SNX25: variants seen among roughly 807,000 people sequenced by gnomAD.
The protein encoded by SNX25 is sorting nexin-25.
Under a neutral mutation model 113.7 loss-of-function variants are expected in SNX25, and 62 were observed. That is an observed-to-expected ratio of 0.55 (90% CI 0.44 to 0.67). The LOEUF (loss-of-function observed/expected upper bound fraction) is 0.67. SNX25 is among the 30% of genes least tolerant of loss of function. The pLI is 0.00. For missense variants in SNX25, 1,014 were observed against 1,161.0 expected, an observed-to-expected ratio of 0.87 and a Z score of 1.84; for synonymous variants, 421 against 436.2, an observed-to-expected ratio of 0.97 and a Z score of 0.43.
intron 16 of SNX25, among the ~76,000 whole-genome samples, chr4:185,358,976 G>A (rs1312899481): frequency 6.6e-6 from 1 of 152,110 alleles, no homozygotes; most frequent in East Asian, 1.9e-4. Context: ...AAGAACATTT[G>A]CTATTTTTTT....
At chr4:185,275,733 T>A (rs1216548520) in intron 5 of SNX25, among the ~76,000 whole-genome samples, 2 of 152,122 alleles carry the variant, frequency 1.3e-5, no homozygotes, top group Non-Finnish European at 2.9e-5. Context: ...AAATAAGAAA[T>A]CAAGTGTACC....
the SNX25 span, chr4:185,375,747 T>C: frequency 2.7e-6 from 4 of 1,481,044 alleles, no homozygotes; most frequent in Non-Finnish European, 3.7e-6. Flanking sequence ...CCAGAAGATA[T>C]TTAATTATTT....
intron 5 of SNX25, among the ~76,000 whole-genome samples, chr4:185,276,502 T>C (rs759370834): frequency 1.3e-5 from 2 of 152,162 alleles, no homozygotes; most frequent in African/African-American, 2.4e-5. Flanking sequence ...TCACTTACAT[T>C]ACTAATAGAT....
chr4:185,349,794 G>A (rs556532012), intron 13 of SNX25, among the ~76,000 whole-genome samples: 1 of 152,242 alleles, frequency 6.6e-6, no homozygotes, highest in South Asian at 2.1e-4. Flanking sequence ...TATAATTTAA[G>A]GCCAAAGATT....
At chr4:185,219,653 C>G (rs927393237) in intron 1 of SNX25, among the ~76,000 whole-genome samples, 1 of 152,216 alleles carries the variant, frequency 6.6e-6, no homozygotes, top group South Asian at 2.1e-4. Context: ...AAGGCAGCAT[C>G]TTCTTTTTTC....
At chr4:185,244,519 AT>A (rs906114067) in intron 1 of SNX25, among the ~76,000 whole-genome samples, 4 of 151,586 alleles carry the variant, frequency 2.6e-5, no homozygotes, top group East Asian at 3.9e-4. Context: ...CATTTCCTCA[AT>A]TTTTTTTTCT....
intron 1 of SNX25, among the ~76,000 whole-genome samples, chr4:185,211,522 TG>T (rs937458393): frequency 2.0e-4 from 30 of 152,238 alleles, no homozygotes; most frequent in African/African-American, 6.5e-4. Flanking sequence ...GTTTGTTTGT[TG>T]ATCAATAAAA....
intron 6 of SNX25, among the ~76,000 whole-genome samples, chr4:185,300,541 A>C (rs756659123): frequency 2.6e-5 from 4 of 151,822 alleles, no homozygotes; most frequent in Non-Finnish European, 5.9e-5. Flanking sequence ...CTGCCTGAAA[A>C]AAGAGAGCTA....
In SNX25 at chr4:185,362,024, C is replaced by T. The variant is rs765032786; in HGVS notation, c.2752C>T (p.Pro918Ser). ...DAFWPNGKLAPPTTIRSKEQS... is the reference protein window; with the variant it reads ...DAFWPNGKLASPTTIRSKEQS... Reference sequence around the variant, plus strand: ...TTTTTGGCCAAATGGGAAGTTGGCACCACCGACCACAATCAGAAGCAAAGA... The same window carrying T: ...TTTTTGGCCAAATGGGAAGTTGGCATCACCGACCACAATCAGAAGCAAAGA... The change falls in exon 17 of 19, where the codon CCA (proline) becomes TCA (serine). Residue 918 changes from proline (P) to serine (S), a missense_variant. Transcript: ENST00000652585. 3.1e-6 allele frequency: 5 copies of T among 1,613,820 alleles called. No individual in the cohort carries two copies. The highest frequency in any genetic ancestry group is 4.2e-6 in the Non-Finnish European group (5 of 1,179,956).
intron 6 of SNX25, among the ~76,000 whole-genome samples, chr4:185,304,518 C>T (rs1288563): frequency 0.027 from 4,063 of 152,196 alleles, 162 homozygotes; most frequent in African/African-American, 0.088. Flanking sequence ...CCACCATGCC[C>T]GGCTAATTTA....
At chr4:185,301,175 T>C (rs1226026131) in intron 6 of SNX25, among the ~76,000 whole-genome samples, 1 of 152,142 alleles carries the variant, frequency 6.6e-6, no homozygotes, top group Non-Finnish European at 1.5e-5. Context: ...AGTCTCTTAG[T>C]ATTAGATCAC....
chr4:185,301,326 C>T (rs1300358901), intron 6 of SNX25, among the ~76,000 whole-genome samples: 1 of 152,192 alleles, frequency 6.6e-6, no homozygotes, highest in Non-Finnish European at 1.5e-5. Context: ...AAGCTCCGCA[C>T]CCCTTCCCCC....
At chr4:185,347,700 A>G (rs1015617581) in intron 13 of SNX25, among the ~76,000 whole-genome samples, 5 of 151,750 alleles carry the variant, frequency 3.3e-5, no homozygotes, top group African/African-American at 1.2e-4. Flanking sequence ...CAAACTCCCA[A>G]CCTCAGATGA....
chr4:185,292,342 C>G (rs1439888792), intron 6 of SNX25, among the ~76,000 whole-genome samples: 2 of 152,088 alleles, frequency 1.3e-5, no homozygotes. Flanking sequence ...CCTATAATCC[C>G]AGCACTTTGC....
Position 185,210,024 on chromosome 4 carries a change from C to T in SNX25, c.198C>T (p.Leu66=), listed in dbSNP as rs1158952276. The change falls in exon 1 of 19, where the codon CTC becomes CTT. Residue 66 remains leucine, a synonymous_variant. Transcript: ENST00000652585. The surrounding 1 kb of genome is among the most constrained non-coding windows in gnomAD (Gnocchi z 4.4). ...GGAAGCCCGTGGCGGTGGCCGCACT[C>T]GCCGCCGTGGCCCTCTCCTTCCTGG... ...SWWKPVAVAA[L]AAVALSFLGP... is the part of the protein sequence containing the mutation. 3 of 983,842 alleles carry T rather than the reference C, an allele frequency of 3.0e-6. No individual in the cohort carries two copies. Among genetic ancestry groups the T allele is most frequent in the African/African-American group, 3.5e-5 (2 of 56,978 alleles). 60.9% of individuals were successfully genotyped at this position (983,842 alleles called of 1,614,324 possible).
chr4:185,263,701 C>G (rs1034338150), intron 3 of SNX25, among the ~76,000 whole-genome samples: 1 of 152,170 alleles, frequency 6.6e-6, no homozygotes, highest in South Asian at 2.1e-4. Context: ...TTGTTAGCTA[C>G]TAGTTACTGT....
At position 185,272,414 on chromosome 4, in the gene SNX25, T is replaced by A. The variant is rs534043060; in HGVS notation, c.1091+5259T>A. ...AAAGGTTTGCCCTTTCAGAACCTCTTATAAATGCGCGGACAGCTTGTGGCC... is the reference window on the plus strand; with the variant it reads ...AAAGGTTTGCCCTTTCAGAACCTCTAATAAATGCGCGGACAGCTTGTGGCC... On this transcript the variant is annotated intron_variant, in intron 5 of 18. Transcript: ENST00000652585. Among the ~76,000 whole-genome samples the A allele has an allele frequency of 2.0e-5, 3 of 152,334 alleles. No homozygotes were observed. In the South Asian group the frequency reaches 6.2e-4, roughly 32 times the overall value.
At chr4:185,327,893 A>G (rs1313079528) in intron 9 of SNX25, among the ~76,000 whole-genome samples, 1 of 152,230 alleles carries the variant, frequency 6.6e-6, no homozygotes, top group African/African-American at 2.4e-5. Flanking sequence ...GACACTTTAT[A>G]GTATTCGGCA....
intron 9 of SNX25, among the ~76,000 whole-genome samples, chr4:185,330,559 A>G (rs1009635617): frequency 1.3e-5 from 2 of 152,186 alleles, no homozygotes; most frequent in African/African-American, 4.8e-5. Context: ...AGCTCCAGTT[A>G]CCACCTCTTA....
Sources: allele counts gnomAD v4.1 joint callset (sites outside exome capture counted in the v4.1 genomes callset), GRCh38; gene constraint gnomAD v4.1.1; non-coding constraint Gnocchi (gnomAD v3.1); transcripts MANE v1.5; gene names NCBI Gene and HGNC (gene_info 2026-07-23, HGNC 2026-07-21).